The following KCNAB2 variants were observed in gnomAD, a reference collection of about 807,000 sequenced individuals.
KCNAB2 encodes potassium voltage-gated channel subfamily A regulatory beta subunit 2, also known as voltage-gated potassium channel subunit beta-2.
A neutral mutation model predicts 63.6 loss-of-function variants in KCNAB2; 29 were observed. That is an observed-to-expected ratio of 0.46 (90% CI 0.34 to 0.62). The LOEUF is 0.62. Ranked by LOEUF, KCNAB2 falls within the 20% of genes least tolerant of loss-of-function variation. KCNAB2 has a pLI of 0.01. For missense variants in KCNAB2, 359 were observed against 563.9 expected, an observed-to-expected ratio of 0.64 and a Z score of 3.68; for synonymous variants, 222 against 224.2, an observed-to-expected ratio of 0.99 and a Z score of 0.09.
At chr1:6,056,210 A>AT (rs375591754) in intron 2 of KCNAB2, among the ~76,000 whole-genome samples, 1,958 of 151,818 alleles carry the variant, frequency 0.013, 42 homozygotes, top group African/African-American at 0.042. Context: ...ATGCCCGGCT[A>AT]TTTTTTGTAT....
chr1:6,044,999 G>T (rs952084499), upstream of KCNAB2, among the ~76,000 whole-genome samples: 4 of 152,180 alleles, frequency 2.6e-5, no homozygotes, highest in African/African-American at 7.2e-5. Context: ...CCCCCGACCA[G>T]GGCGACATGT....
rs140923168 is a variant in KCNAB2 at position 6,085,542 on chromosome 1, G to C, written c.425+294G>C. ...GCACCAGGGTCCCTGCTTGCAAAGT[G>C]TCAGGCCAAAAAGAGCTTGGCGTGA... On this transcript the variant is annotated intron_variant, in intron 6 of 15. Transcript: ENST00000378083. 4.0e-3 allele frequency among the ~76,000 whole-genome samples: 613 copies of C among 152,286 alleles called. 3 individuals carry two copies. The highest frequency in any genetic ancestry group is 0.014 in the African/African-American group (594 of 41,560).
At chr1:6,036,518 A>G (rs1297637719) in intron 1 of KCNAB2, among the ~76,000 whole-genome samples, 1 of 152,166 alleles carries the variant, frequency 6.6e-6, no homozygotes, top group African/African-American at 2.4e-5. Flanking sequence ...AAGAAAAAAG[A>G]AACTGTGTTT....
intron 5 of KCNAB2, among the ~76,000 whole-genome samples, chr1:6,084,887 A>G (rs1664558925): frequency 6.6e-6 from 1 of 151,930 alleles, no homozygotes; most frequent in South Asian, 2.1e-4. Flanking sequence ...GTGAATTTTC[A>G]GCTGACTAGG....
At chr1:6,094,552 C>A (rs759262063) in intron 11 of KCNAB2, 67 bp downstream of exon 11, 1 of 1,346,136 alleles carries the variant, frequency 7.4e-7, no homozygotes, top group Non-Finnish European at 1.0e-6. Context: ...GTATGGAGAC[C>A]CCAAAGCTCT....
chr1:6,089,066 G>A lies in KCNAB2; in HGVS notation c.514+15G>A, dbSNP rs907082825. 3.2e-5 allele frequency: 50 copies of A among 1,547,270 alleles called. No homozygotes were observed. Among genetic ancestry groups the A allele is most frequent in the African/African-American group, 6.9e-5 (5 of 72,902 alleles). On this transcript the variant is annotated intron_variant, in intron 8 of 15. Transcript: ENST00000378083. ...CATAATCGAAGGTGAGGACGCGCTCGGGCACCTCAGGGCCCCCATACCTGT... is the reference window on the plus strand; with the variant it reads ...CATAATCGAAGGTGAGGACGCGCTCAGGCACCTCAGGGCCCCCATACCTGT...
At chr1:6,052,000 G>C (rs988690984) in intron 2 of KCNAB2, among the ~76,000 whole-genome samples, 2 of 152,190 alleles carry the variant, frequency 1.3e-5, no homozygotes, top group African/African-American at 4.8e-5. Context: ...TACTCAGGAG[G>C]CTGAGGCAGA....
chr1:6,055,351 C>T (rs928210508), intron 2 of KCNAB2, among the ~76,000 whole-genome samples: 7 of 142,908 alleles, frequency 4.9e-5, no homozygotes, highest in East Asian at 2.0e-4. Context: ...AGAAGACAAA[C>T]GCTTTTTTTT....
intron 1 of KCNAB2, among the ~76,000 whole-genome samples, chr1:6,022,328 T>A (rs531429256): frequency 6.6e-6 from 1 of 152,030 alleles, no homozygotes; most frequent in South Asian, 2.1e-4. Context: ...GTATTGAGTG[T>A]ACAGTTCATT....
At chr1:6,017,482 C>A (rs1271675745) in intron 1 of KCNAB2, among the ~76,000 whole-genome samples, 2 of 151,490 alleles carry the variant, frequency 1.3e-5, no homozygotes, top group African/African-American at 4.9e-5. Context: ...CTGGGCTGGT[C>A]TAGAATTCCA....
At position 6,099,835 on chromosome 1, in the gene KCNAB2, G is replaced by T. The variant is rs1461909167; in HGVS notation, c.*1261G>T. On this transcript the variant is annotated 3_prime_UTR_variant, in exon 16 of 16. Transcript: ENST00000378083. ...TGGGACAGGCTGGGCAGAGGGGAGAGAGGGCAGGACAGGCCAGAGTGACGC... is the reference window on the plus strand; with the variant it reads ...TGGGACAGGCTGGGCAGAGGGGAGATAGGGCAGGACAGGCCAGAGTGACGC... 1 of 1,540,742 alleles carries T rather than the reference G, an allele frequency of 6.5e-7. No individual in the cohort carries two copies. The highest frequency in any genetic ancestry group is 2.4e-5 in the East Asian group (1 of 40,832).
At chr1:6,022,673 C>T (rs1658915616) in intron 1 of KCNAB2, among the ~76,000 whole-genome samples, 1 of 152,142 alleles carries the variant, frequency 6.6e-6, no homozygotes. Context: ...CTGAGGGCCA[C>T]CATTCTGCTT....
intron 1 of KCNAB2, among the ~76,000 whole-genome samples, chr1:6,012,925 C>T (rs898519973): frequency 1.1e-4 from 17 of 152,072 alleles, no homozygotes; most frequent in African/African-American, 4.1e-4. Flanking sequence ...GCCAGGCATC[C>T]TCTCGGTCAG....
Position 6,046,131 on chromosome 1 carries a change from C to T in KCNAB2, c.-79C>T, listed in dbSNP as rs1660901678. The T allele has an allele frequency of 1.0e-6, 1 of 985,252 alleles. No homozygotes were observed. The highest frequency in any genetic ancestry group is 6.1e-5 in the Admixed American group (1 of 16,262). 61.0% of individuals were successfully genotyped at this position (985,252 alleles called of 1,614,324 possible). ...AGATCCTTAGAGTGTCTGGTGATCC[C>T]TAATAAACCAGACTGTGGCCTTTTT... On this transcript the variant is annotated 5_prime_UTR_variant, in exon 1 of 16. Coordinates refer to ENST00000378083, the MANE Select transcript of KCNAB2 (RefSeq NM_001199862.2).
At chr1:6,077,738 G>A (rs1663795815) in intron 4 of KCNAB2, among the ~76,000 whole-genome samples, 1 of 152,176 alleles carries the variant, frequency 6.6e-6, no homozygotes, top group Non-Finnish European at 1.5e-5. Flanking sequence ...GGAGCATCCG[G>A]GGCCCCGCCT....
At chr1:6,034,204 T>A (rs1262499119), upstream of KCNAB2, 2 of 152,322 alleles carry the variant, frequency 1.3e-5, no homozygotes, top group African/African-American at 4.8e-5. Context: ...ATGCAGTCGC[T>A]CCTGATTGGA....
intron 9 of KCNAB2, 61 bp downstream of exon 9, chr1:6,090,536 T>A: frequency 7.3e-7 from 1 of 1,371,160 alleles, no homozygotes; most frequent in Non-Finnish European, 1.0e-6. Context: ...GGTCTGAACC[T>A]GGGGTTGTAG....
chr1:6,041,705 G>A (rs1660512027), upstream of KCNAB2: 2 of 796,582 alleles, frequency 2.5e-6, no homozygotes, highest in African/African-American at 3.4e-5. Context: ...GCGACTGGTG[G>A]GGGCCCGGGG....
At chr1:6,045,836 C>G, upstream of KCNAB2, 1 of 911,618 alleles carries the variant, frequency 1.1e-6, no homozygotes, top group Non-Finnish European at 1.3e-6. This position sits in a 1 kb window ranked among gnomAD's most constrained non-coding sequence, Gnocchi z 4.8. Context: ...GCCTGAGGGA[C>G]GGGCAGGACC....
Sources: allele counts gnomAD v4.1 joint callset (sites outside exome capture counted in the v4.1 genomes callset), GRCh38; gene constraint gnomAD v4.1.1; non-coding constraint Gnocchi (gnomAD v3.1); transcripts MANE v1.5; gene names NCBI Gene and HGNC (gene_info 2026-07-23, HGNC 2026-07-21).